Variants in PIEZO2 observed in about 807,000 individuals in gnomAD.
The protein encoded by PIEZO2 is piezo-type mechanosensitive ion channel component 2.
In PIEZO2, 172 loss-of-function variants were observed where a neutral mutation model predicts 337.3. That is an observed-to-expected ratio of 0.51 (90% confidence interval 0.45 to 0.58). PIEZO2 has a LOEUF of 0.58. PIEZO2 is among the 20% of genes least tolerant of loss of function. The probability of loss-of-function intolerance (pLI) is 0.00; values close to 1 mark genes in which losing one functional copy is unlikely to be tolerated. For synonymous variants in PIEZO2, 1,251 were observed against 1,228.5 expected (o/e 1.02, Z -0.38); for missense variants, 3,028 against 3,391.3 (o/e 0.89, Z 2.66).
rs1181794331 is a variant in PIEZO2, at chr18:10,801,398, G to A, written c.1231C>T (p.Pro411Ser). ...LLSMTQDDYK[P>S]SDGLLVTVNG... ...TCTAAGGGTATACTAACATCAGATG[G>A]TTTGTAGTCATCCTGGGTCATGGAT... Residue 411 changes from proline (P) to serine (S), a missense_variant, in exon 10 of 56, where the codon CCA becomes TCA. This residue lies in a region of PIEZO2 where 542 missense variants were observed against 605.6 expected (regional missense o/e 0.89). Coordinates refer to ENST00000674853, the MANE Select transcript of PIEZO2 (RefSeq NM_001378183.1). 1.0e-5 allele frequency: 15 copies of A among 1,501,670 alleles called. No individual in the cohort carries two copies. In the South Asian group the frequency reaches 1.7e-4, roughly 17 times the overall value. 93.0% of individuals were successfully genotyped at this position (1,501,670 alleles called of 1,614,324 possible). A position where few individuals can be genotyped will look rare whatever the true frequency, so the allele number is the denominator to read the frequency against.
At chr18:10,740,145 A>G (rs2037161730) in intron 33 of PIEZO2, 1 of 152,246 alleles carries the variant, frequency 6.6e-6, no homozygotes, top group Non-Finnish European at 1.5e-5. Context: ...TCAATATTCT[A>G]TGAAATTTAA....
chr18:10,846,305 G>C lies in PIEZO2; in HGVS notation c.917+9048C>G, dbSNP rs948372042. On this transcript the variant is annotated intron_variant, in intron 7 of 55. Coordinates refer to ENST00000674853, the MANE Select transcript of PIEZO2 (RefSeq NM_001378183.1). This position sits in a 1 kb window ranked among gnomAD's most constrained non-coding sequence, Gnocchi z 4.1. The stretch of plus-strand genomic sequence containing the variant: ...AAACTCCCGTTTTTTAAAACCATCA[G>C]ATTTGTGAGACTCATTCACTATCAC... Among the ~76,000 whole-genome samples, 1 of 152,184 alleles carries C rather than the reference G, an allele frequency of 6.6e-6. No individual in the cohort carries two copies. The highest frequency in any genetic ancestry group is 1.9e-4 in the East Asian group (1 of 5,202).
At chr18:10,991,970 C>G (rs985430111) in intron 2 of PIEZO2, among the ~76,000 whole-genome samples, 1 of 152,192 alleles carries the variant, frequency 6.6e-6, no homozygotes, top group African/African-American at 2.4e-5. Context: ...TTGCATTTCT[C>G]TAATGTCCAG....
rs2042289272 is a variant in PIEZO2 at position 10,877,151 on chromosome 18, GTTC to G, written c.330-5739_330-5737del. On this transcript the variant is annotated intron_variant, in intron 4 of 55. Transcript: ENST00000674853. The surrounding 1 kb of genome is among the most constrained non-coding windows in gnomAD (Gnocchi z 5.3). ...ATTGTTGATGAGTCCACAAAATTCTGTTCTTCATTTATTTTTCTTCTCACTCTA... is the reference window on the plus strand; with the variant it reads ...ATTGTTGATGAGTCCACAAAATTCTGTTCATTTATTTTTCTTCTCACTCTA... Among the ~76,000 whole-genome samples, 1 of 152,076 alleles carries G rather than the reference GTTC, an allele frequency of 6.6e-6. No homozygotes were observed. Among genetic ancestry groups the G allele is most frequent in the Admixed American group, 6.6e-5 (1 of 15,264 alleles).
chr18:11,133,054 T>C (rs1423090997), intron 1 of PIEZO2, among the ~76,000 whole-genome samples: 1 of 152,188 alleles, frequency 6.6e-6, no homozygotes, highest in Non-Finnish European at 1.5e-5. Flanking sequence ...AAGGTAGTCA[T>C]CAATACCATC....
chr18:10,694,025 G>C (rs1447051020), intron 47 of PIEZO2, among the ~76,000 whole-genome samples: 2 of 152,102 alleles, frequency 1.3e-5, no homozygotes, highest in Non-Finnish European at 2.9e-5. Context: ...CCAATATATG[G>C]TGTGGAATGG....
chr18:10,710,565 C>G (rs570738004), intron 39 of PIEZO2, among the ~76,000 whole-genome samples: 2 of 152,202 alleles, frequency 1.3e-5, no homozygotes, highest in Non-Finnish European at 2.9e-5. Flanking sequence ...TGAAAGAAAC[C>G]GTGACTATTC....
In PIEZO2 at chr18:11,001,847, C is replaced by A. The variant is rs1356491669; in HGVS notation, c.161-22187G>T. Among the ~76,000 whole-genome samples, 2 of 150,694 alleles carry A rather than the reference C, an allele frequency of 1.3e-5. No homozygotes were observed. The highest frequency in any genetic ancestry group is 1.3e-4 in the Admixed American group (2 of 15,084). ...GAGCTCAGATTGCACCACTGTACTC[C>A]AGCCTGGGTGATAGAGCGAGATTCA... On this transcript the variant is annotated intron_variant, in intron 2 of 55. Coordinates refer to ENST00000674853, the MANE Select transcript of PIEZO2 (RefSeq NM_001378183.1). The surrounding 1 kb of genome is among the most constrained non-coding windows in gnomAD (Gnocchi z 5.3).
At position 10,748,573 on chromosome 18, in the gene PIEZO2, C is replaced by T; in HGVS notation, c.4322G>A (p.Ser1441Asn). 6.5e-7 allele frequency: 1 copy of T among 1,534,750 alleles called. No individual in the cohort carries two copies. The highest frequency in any genetic ancestry group is 8.7e-7 in the Non-Finnish European group (1 of 1,145,680). ...CAGCAGGAGGAAGGCAAAACATATG[C>T]TGTCCCAAATGATTCCTGCTTCCCC... ...PSGEAGIIWD[S>N]ICFAFLLLQR... Residue 1441 changes from serine (S) to asparagine (N), a missense_variant, in exon 30 of 56, where the codon AGC becomes AAC. Transcript: ENST00000674853. The surrounding 1 kb of genome is among the most constrained non-coding windows in gnomAD (Gnocchi z 5.1).
intron 39 of PIEZO2, among the ~76,000 whole-genome samples, chr18:10,712,764 A>G (rs979253810): frequency 2.6e-5 from 4 of 152,252 alleles, no homozygotes; most frequent in African/African-American, 9.6e-5. Context: ...AGACACTGAA[A>G]AAGAAAGTTT....
chr18:10,817,636 C>T (rs192593663), intron 7 of PIEZO2, among the ~76,000 whole-genome samples: 1 of 152,120 alleles, frequency 6.6e-6, no homozygotes, highest in African/African-American at 2.4e-5. Context: ...AATAGTAGGA[C>T]TTTATGGCTG....
intron 44 of PIEZO2, among the ~76,000 whole-genome samples, chr18:10,698,404 G>A (rs1413641242): frequency 6.6e-6 from 1 of 152,042 alleles, no homozygotes; most frequent in African/African-American, 2.4e-5. Context: ...GCTTCAGACA[G>A]GAGCCCCACA....
In PIEZO2 at chr18:11,070,942, G is replaced by C. The variant is rs1054702066; in HGVS notation, c.65-4720C>G. On this transcript the variant is annotated intron_variant, in intron 1 of 55. Coordinates refer to ENST00000674853, the MANE Select transcript of PIEZO2 (RefSeq NM_001378183.1). This position sits in a 1 kb window ranked among gnomAD's most constrained non-coding sequence, Gnocchi z 4.3. ...TCAAGAAGCACTAATCCCAGAATGC[G>C]GACAACAGGAGCATAGCACACTCCA... is the stretch of plus-strand genomic sequence containing the variant. Among the ~76,000 whole-genome samples, 1 of 152,078 alleles carries C rather than the reference G, an allele frequency of 6.6e-6. No homozygotes were observed. Among genetic ancestry groups the C allele is most frequent in the Admixed American group, 6.5e-5 (1 of 15,268 alleles).
chr18:10,814,124 C>G (rs555318981), intron 7 of PIEZO2, among the ~76,000 whole-genome samples: 1 of 151,902 alleles, frequency 6.6e-6, no homozygotes, highest in Non-Finnish European at 1.5e-5. Context: ...CCCACCACCA[C>G]GCCCAGCTAA....
intron 1 of PIEZO2, among the ~76,000 whole-genome samples, chr18:11,072,591 C>T (rs940214792): frequency 6.6e-6 from 1 of 152,120 alleles, no homozygotes; most frequent in Non-Finnish European, 1.5e-5. Context: ...GTGACAAGCC[C>T]GGATCTATGC....
intron 17 of PIEZO2, among the ~76,000 whole-genome samples, chr18:10,780,924 A>C (rs531242149): frequency 6.6e-6 from 1 of 151,870 alleles, no homozygotes; most frequent in East Asian, 1.9e-4. Flanking sequence ...CAGCCTCCCA[A>C]AGTGCTGCGA....
chr18:10,737,910 T>A (rs1477545262), intron 33 of PIEZO2: 1 of 152,222 alleles, frequency 6.6e-6, no homozygotes, highest in Non-Finnish European at 1.5e-5. Context: ...TTGGCTTGTT[T>A]AAAATTAATT....
Position 11,129,152 on chromosome 18 carries a change from G to A in PIEZO2, c.64+19373C>T, listed in dbSNP as rs532575864. Among the ~76,000 whole-genome samples, 41 of 152,254 alleles carry A rather than the reference G, an allele frequency of 2.7e-4. No individual in the cohort carries two copies. The highest frequency in any genetic ancestry group is 8.9e-4 in the African/African-American group (37 of 41,574). ...AGTGGATTAGTCACTTTAGACCTAC[G>A]CATCCCAGCTGAGAGGGTCCAGAAG... On this transcript the variant is annotated intron_variant, in intron 1 of 55. Coordinates refer to ENST00000674853, the MANE Select transcript of PIEZO2 (RefSeq NM_001378183.1). This position sits in a 1 kb window ranked among gnomAD's most constrained non-coding sequence, Gnocchi z 4.6.
intron 36 of PIEZO2, chr18:10,725,469 G>C: frequency 6.5e-7 from 1 of 1,550,252 alleles, no homozygotes; most frequent in East Asian, 2.3e-5. Context: ...AGGTCAGGGT[G>C]TGGGTATCCG....
Sources: gnomAD v4.1 joint callset for allele counts (sites outside exome capture counted in the v4.1 genomes callset) on GRCh38, gnomAD v4.1.1 for gene constraint, gnomAD v4.1.1 regional missense constraint, Gnocchi (gnomAD v3.1) non-coding constraint, MANE v1.5 for transcripts, NCBI Gene and HGNC (gene_info 2026-07-23, HGNC 2026-07-21) for gene names.